CDH13: variants seen among roughly 807,000 people sequenced by gnomAD.
CDH13 encodes cadherin 13.
Under a neutral mutation model 63.8 loss-of-function variants are expected in CDH13, and 24 were observed. The observed-to-expected ratio is 0.38, with a 90% confidence interval of 0.27 to 0.53. CDH13 has a LOEUF of 0.53. Among genes scored for constraint, CDH13 ranks in the 20% least tolerant of loss-of-function variants. The probability of loss-of-function intolerance (pLI) is 0.85; values close to 1 mark genes in which losing one functional copy is unlikely to be tolerated. For missense variants in CDH13, 1,049 were observed against 903.1 expected (o/e 1.16, Z -2.07); for synonymous variants, 503 against 355.3 (o/e 1.42, Z -4.67).
chr16:82,931,548 A>G (rs771791375), intron 2 of CDH13, among the ~76,000 whole-genome samples: 40 of 149,666 alleles, frequency 2.7e-4, no homozygotes, highest in Non-Finnish European at 2.7e-4. Flanking sequence ...AGGAATTAAG[A>G]TGGCCTTAGG....
At chr16:83,292,452 C>G (rs917740030) in intron 5 of CDH13, among the ~76,000 whole-genome samples, 1 of 152,152 alleles carries the variant, frequency 6.6e-6, no homozygotes, top group East Asian at 1.9e-4. Flanking sequence ...CTCCATTACT[C>G]CCCCTTTGAT....
At chr16:83,128,014 ACTT>A (rs1030067703) in intron 4 of CDH13, among the ~76,000 whole-genome samples, 3 of 152,126 alleles carry the variant, frequency 2.0e-5, no homozygotes, top group African/African-American at 7.2e-5. Flanking sequence ...CTGACTCCCC[ACTT>A]CTTCAAAACT....
At chr16:82,952,903 A>G (rs1215851956) in intron 2 of CDH13, among the ~76,000 whole-genome samples, 3 of 152,334 alleles carry the variant, frequency 2.0e-5, no homozygotes, top group Non-Finnish European at 2.9e-5. Context: ...AAACCAGAAG[A>G]CAAGGCTGCC....
At chr16:82,698,369 G>A (rs1381978531) in intron 1 of CDH13, among the ~76,000 whole-genome samples, 1 of 152,142 alleles carries the variant, frequency 6.6e-6, no homozygotes, top group Non-Finnish European at 1.5e-5. Context: ...TAGATGGTGG[G>A]AAAAAGGAAG....
chr16:83,282,967 C>A (rs1412204886), intron 5 of CDH13, among the ~76,000 whole-genome samples: 2 of 152,104 alleles, frequency 1.3e-5, no homozygotes, highest in Non-Finnish European at 2.9e-5. Context: ...CAGTTTTAGG[C>A]CATGGTAAAC....
intron 6 of CDH13, among the ~76,000 whole-genome samples, chr16:83,355,212 G>A (rs1410453582): frequency 1.3e-5 from 2 of 152,186 alleles, no homozygotes; most frequent in East Asian, 3.8e-4. Flanking sequence ...GAGATGGAGA[G>A]AAGAGATCAC....
intron 11 of CDH13, among the ~76,000 whole-genome samples, chr16:83,769,664 T>TG (rs986114050): frequency 1.3e-5 from 2 of 152,192 alleles, no homozygotes; most frequent in Non-Finnish European, 2.9e-5. Context: ...GTTGTAAAAG[T>TG]GGCCAAGTGG....
intron 2 of CDH13, among the ~76,000 whole-genome samples, chr16:82,950,910 A>G (rs1905226874): frequency 6.6e-6 from 1 of 151,812 alleles, no homozygotes; most frequent in Non-Finnish European, 1.5e-5. Context: ...GATCATAAAG[A>G]GAAGGAAACC....
At chr16:83,030,502 G>A (rs1160581591) in intron 2 of CDH13, among the ~76,000 whole-genome samples, 1 of 151,910 alleles carries the variant, frequency 6.6e-6, no homozygotes, top group African/African-American at 2.4e-5. Context: ...AATTAGCCAG[G>A]CATGATGGCA....
chr16:82,699,221 T>C (rs2030696186), intron 1 of CDH13, among the ~76,000 whole-genome samples: 1 of 152,174 alleles, frequency 6.6e-6, no homozygotes, highest in African/African-American at 2.4e-5. Context: ...GAAACTGGGA[T>C]TCAGGCTGTA....
chr16:83,450,061 C>G (rs956266797), intron 6 of CDH13, among the ~76,000 whole-genome samples: 1 of 152,174 alleles, frequency 6.6e-6, no homozygotes, highest in Non-Finnish European at 1.5e-5. Context: ...GAGTTCAATG[C>G]CGACATCCCA....
At chr16:83,092,773 C>G (rs8047256) in intron 3 of CDH13, among the ~76,000 whole-genome samples, 2,709 of 152,280 alleles carry the variant, frequency 0.018, 88 homozygotes, top group African/African-American at 0.063. Context: ...CCGATCTTAT[C>G]TAGATTCACT....
intron 2 of CDH13, among the ~76,000 whole-genome samples, chr16:82,943,634 A>C (rs1904371115): frequency 6.6e-6 from 1 of 152,206 alleles, no homozygotes; most frequent in Non-Finnish European, 1.5e-5. Context: ...AGCCCCTATC[A>C]AGTCAATCAA....
chr16:83,708,531 T>G (rs1355273170), intron 10 of CDH13, among the ~76,000 whole-genome samples: 1 of 152,200 alleles, frequency 6.6e-6, no homozygotes, highest in Non-Finnish European at 1.5e-5. Context: ...TTCTCTGAAT[T>G]CATAGCCTTT....
At chr16:83,367,992 C>T (rs576446888) in intron 6 of CDH13, among the ~76,000 whole-genome samples, 2 of 152,130 alleles carry the variant, frequency 1.3e-5, no homozygotes, top group African/African-American at 2.4e-5. Context: ...ACAAGTCTTG[C>T]ATTTATTCTG....
At chr16:82,684,562 A>G (rs1018090817) in intron 1 of CDH13, among the ~76,000 whole-genome samples, 1 of 152,076 alleles carries the variant, frequency 6.6e-6, no homozygotes, top group African/African-American at 2.4e-5. Context: ...TAGACCATGA[A>G]GTCAGGATCT....
At chr16:83,569,229 C>G (rs1284345144) in intron 7 of CDH13, among the ~76,000 whole-genome samples, 2 of 152,128 alleles carry the variant, frequency 1.3e-5, no homozygotes, top group Non-Finnish European at 2.9e-5. Context: ...CTGATCTTTT[C>G]AGACTCAGCT....
At chr16:82,995,476 T>G (rs992346981) in intron 2 of CDH13, among the ~76,000 whole-genome samples, 12 of 152,194 alleles carry the variant, frequency 7.9e-5, no homozygotes, top group Admixed American at 5.2e-4. Flanking sequence ...TGAATCATCT[T>G]GAATTAAGCT....
chr16:83,152,091 A>G (rs1479169887), intron 4 of CDH13, among the ~76,000 whole-genome samples: 2 of 152,108 alleles, frequency 1.3e-5, no homozygotes, highest in Non-Finnish European at 2.9e-5. Context: ...AAATTAGAGG[A>G]AAAAAAAGAG....
Sources: allele counts gnomAD v4.1 joint callset (sites outside exome capture counted in the v4.1 genomes callset), GRCh38; gene constraint gnomAD v4.1.1; transcripts MANE v1.5; gene names NCBI Gene and HGNC (gene_info 2026-07-23, HGNC 2026-07-21).